Variants in MARCHF1 observed in about 807,000 individuals in gnomAD.
MARCHF1 encodes the protein membrane associated ring-CH-type finger 1, also known as E3 ubiquitin-protein ligase MARCHF1.
A neutral mutation model predicts 54.2 loss-of-function variants in MARCHF1; 40 were observed. The observed-to-expected ratio is 0.74, with a 90% CI of 0.57 to 0.96. MARCHF1 has a LOEUF of 0.96. Among genes scored for constraint, MARCHF1 ranks in the 40% least tolerant of loss-of-function variants. The pLI is 0.00. For synonymous variants in MARCHF1, 236 were observed against 236.3 expected (o/e 1.00, Z 0.01); for missense variants, 586 against 656.5 (o/e 0.89, Z 1.17).
chr4:163,579,084 T>C (rs1004223282), intron 8 of MARCHF1, among the ~76,000 whole-genome samples: 5 of 152,178 alleles, frequency 3.3e-5, no homozygotes, highest in Admixed American at 2.6e-4. Context: ...GTGAATTTCT[T>C]TGACATTTCA....
intron 1 of MARCHF1, among the ~76,000 whole-genome samples, chr4:164,310,698 T>C (rs1302853706): frequency 2.0e-5 from 3 of 152,032 alleles, no homozygotes; most frequent in African/African-American, 7.2e-5. Flanking sequence ...TGGGAGAAAT[T>C]ACATAGCTGC....
chr4:164,217,761 A>G (rs1731973863), intron 1 of MARCHF1, among the ~76,000 whole-genome samples: 1 of 152,174 alleles, frequency 6.6e-6, no homozygotes, highest in African/African-American at 2.4e-5. Flanking sequence ...CAGAAAGCCA[A>G]ACTGAAGCCT....
intron 5 of MARCHF1, among the ~76,000 whole-genome samples, chr4:163,649,770 A>T (rs1346783132): frequency 6.7e-6 from 1 of 149,294 alleles, no homozygotes; most frequent in East Asian, 2.0e-4. Context: ...TGGTTCTGTC[A>T]TTGTGTGCCT....
In MARCHF1 at chr4:164,253,506, G is replaced by A. The variant is rs12502906; in HGVS notation, c.-323+130364C>T. 6.4e-3 allele frequency among the ~76,000 whole-genome samples: 969 copies of A among 152,244 alleles called. 24 individuals carry two copies. Among genetic ancestry groups the A allele is most frequent in the Admixed American group, 0.053 (803 of 15,286 alleles). On this transcript the variant is annotated intron_variant, in intron 1 of 9. Transcript: ENST00000514618. ...CAAGTCAGAACTAAAATAACAGACA[G>A]TAGGATGGTAGCAGTGGATTACAGC...
intron 4 of MARCHF1, among the ~76,000 whole-genome samples, chr4:163,753,463 T>A (rs912580579): frequency 6.6e-6 from 1 of 152,282 alleles, no homozygotes; most frequent in African/African-American, 2.4e-5. Context: ...ATTTTTTTAA[T>A]CACCACAGCT....
At chr4:163,634,077 A>G (rs1742214849) in intron 5 of MARCHF1, among the ~76,000 whole-genome samples, 1 of 152,210 alleles carries the variant, frequency 6.6e-6, no homozygotes, top group Non-Finnish European at 1.5e-5. Flanking sequence ...GGCCTGCCCT[A>G]AAAGAGCTCC....
rs1738105274 is a variant in MARCHF1 at position 163,526,369 on chromosome 4, A to G, written c.*2379T>C. On this transcript the variant is annotated 3_prime_UTR_variant, in exon 10 of 10. Coordinates refer to ENST00000514618, the MANE Select transcript of MARCHF1 (RefSeq NM_001394959.1). ...TAAAGTAAATAATTATTTTACTTTC[A>G]GAGCAAACAAAAGAGAAATCAACAT... is the stretch of plus-strand genomic sequence containing the variant. 1 of 152,076 alleles carries G rather than the reference A, an allele frequency of 6.6e-6. No homozygotes were observed. The highest frequency in any genetic ancestry group is 2.4e-5 in the African/African-American group (1 of 41,434). 9.4% of individuals were successfully genotyped at this position (152,076 alleles called of 1,614,324 possible). A position where few individuals can be genotyped will look rare whatever the true frequency, so the allele number is the denominator to read the frequency against.
chr4:163,772,871 G>T (rs926998165), intron 4 of MARCHF1, among the ~76,000 whole-genome samples: 1 of 152,092 alleles, frequency 6.6e-6, no homozygotes, highest in African/African-American at 2.4e-5. Context: ...GCTGCACATT[G>T]CCACTGAACT....
chr4:164,282,934 C>T (rs929105288), intron 1 of MARCHF1, among the ~76,000 whole-genome samples: 2 of 151,114 alleles, frequency 1.3e-5, no homozygotes, highest in Non-Finnish European at 2.9e-5. Context: ...TGACTCTGAC[C>T]CTACTTGCAT....
chr4:164,351,683 A>G (rs1730341753), intron 1 of MARCHF1, among the ~76,000 whole-genome samples: 1 of 152,002 alleles, frequency 6.6e-6, no homozygotes. Flanking sequence ...GAAAAACTGG[A>G]AACTCTAAAA....
chr4:163,814,648 C>T (rs958715838), intron 4 of MARCHF1, among the ~76,000 whole-genome samples: 1 of 152,138 alleles, frequency 6.6e-6, no homozygotes, highest in African/African-American at 2.4e-5. Context: ...TGAAACTTTG[C>T]CACACAATGC....
chr4:163,539,661 C>T (rs1348941496), intron 9 of MARCHF1, among the ~76,000 whole-genome samples: 1 of 152,196 alleles, frequency 6.6e-6, no homozygotes, highest in African/African-American at 2.4e-5. Flanking sequence ...AGTTAGTTGT[C>T]AGCCAGGCCA....
At chr4:163,654,985 C>T (rs1218314226) in intron 5 of MARCHF1, among the ~76,000 whole-genome samples, 1 of 151,416 alleles carries the variant, frequency 6.6e-6, no homozygotes, top group Admixed American at 6.6e-5. Flanking sequence ...CTGCTTTCTA[C>T]TATCTTGTTC....
At chr4:163,892,217 G>A (rs1179201865) in intron 3 of MARCHF1, among the ~76,000 whole-genome samples, 2 of 152,096 alleles carry the variant, frequency 1.3e-5, no homozygotes, top group African/African-American at 2.4e-5. Context: ...TACAAATCCT[G>A]TAAATGCATA....
intron 9 of MARCHF1, among the ~76,000 whole-genome samples, chr4:163,533,430 A>C (rs1324284547): frequency 6.6e-6 from 1 of 151,894 alleles, no homozygotes; most frequent in Non-Finnish European, 1.5e-5. Context: ...CGGTGGACAC[A>C]GGACGTTACA....
intron 1 of MARCHF1, among the ~76,000 whole-genome samples, chr4:164,313,715 C>A (rs1361894281): frequency 6.6e-6 from 1 of 152,080 alleles, no homozygotes; most frequent in Admixed American, 6.5e-5. Context: ...ATCATCTTCC[C>A]AAAATACCCC....
chr4:164,016,825 C>T (rs1753553165), intron 2 of MARCHF1, among the ~76,000 whole-genome samples: 1 of 151,926 alleles, frequency 6.6e-6, no homozygotes, highest in Admixed American at 6.6e-5. Flanking sequence ...GTTTCAAACA[C>T]AAAGAAATGA....
intron 2 of MARCHF1, among the ~76,000 whole-genome samples, chr4:164,031,854 T>A (rs1282878603): frequency 1.3e-5 from 2 of 152,162 alleles, no homozygotes; most frequent in East Asian, 3.9e-4. Context: ...ATAAAATGAG[T>A]TAGGGAGGAG....
chr4:164,248,854 T>C (rs1304927104), intron 1 of MARCHF1, among the ~76,000 whole-genome samples: 4 of 151,996 alleles, frequency 2.6e-5, no homozygotes, highest in African/African-American at 9.7e-5. Flanking sequence ...AAAAACACTA[T>C]ACTGTTTCAT....
Sources: gnomAD v4.1 joint callset for allele counts (sites outside exome capture counted in the v4.1 genomes callset) on GRCh38, gnomAD v4.1.1 for gene constraint, MANE v1.5 for transcripts, NCBI Gene and HGNC (gene_info 2026-07-23, HGNC 2026-07-21) for gene names.